MID1: variants seen among roughly 807,000 people sequenced by gnomAD.
The protein encoded by MID1 is midline 1, also known as E3 ubiquitin-protein ligase Midline-1.
MID1 carries 7 observed loss-of-function variants against 40.4 expected under a neutral mutation model. The observed-to-expected ratio is 0.17, with a 90% CI of 0.10 to 0.33. The LOEUF is 0.33. Among genes scored for constraint, MID1 ranks in the 10% least tolerant of loss-of-function variants. The pLI is 1.00. For synonymous variants in MID1, 229 were observed against 221.2 expected (o/e 1.04, Z -0.31); for missense variants, 367 against 558.5 (o/e 0.66, Z 3.46).
Position 10,646,364 on chromosome X carries a change from C to T in MID1, c.-186-25945G>A, listed in dbSNP as rs5934921. Among the ~76,000 whole-genome samples, 1,036 of 111,431 alleles carry T rather than the reference C, an allele frequency of 9.3e-3. 7 individuals are homozygous for T. Among genetic ancestry groups the T allele is most frequent in the Non-Finnish European group, 0.014 (731 of 53,063 alleles). On this transcript the variant is annotated intron_variant, in intron 1 of 10. Coordinates refer to the MID1 transcript ENST00000380785. ...TTTTTGCCTGACTTCAAGAGGCCAC[C>T]GGGTATAAGACTCTGGTATAGTCCC...
chrX:10,526,029 A>G (rs1422507442), intron 2 of MID1, among the ~76,000 whole-genome samples: 1 of 112,269 alleles, frequency 8.9e-6, no homozygotes, highest in Non-Finnish European at 1.9e-5. Context: ...ACATTTTAAA[A>G]TATTTTATCT....
intron 1 of MID1, among the ~76,000 whole-genome samples, chrX:10,726,185 C>T (rs982666753): frequency 3.6e-5 from 4 of 111,926 alleles, no homozygotes; most frequent in Admixed American, 9.5e-5. Flanking sequence ...TTACATCAGA[C>T]CCAGTAAGTA....
chrX:10,637,081 T>A (rs1038225744), intron 1 of MID1, among the ~76,000 whole-genome samples: 1 of 107,632 alleles, frequency 9.3e-6, no homozygotes, highest in Non-Finnish European at 1.9e-5. Flanking sequence ...CTTTTCAAAA[T>A]CTTGAGTCTT....
At chrX:10,640,558 T>A (rs1173710052) in intron 1 of MID1, among the ~76,000 whole-genome samples, 1 of 110,942 alleles carries the variant, frequency 9.0e-6, no homozygotes, top group Non-Finnish European at 1.9e-5. Context: ...TCCCACACAA[T>A]AATAATGGGA....
At chrX:10,617,737 C>T (rs112693022) in intron 1 of MID1, among the ~76,000 whole-genome samples, 4,765 of 111,885 alleles carry the variant, frequency 0.043, 94 homozygotes, top group African/African-American at 0.079. Context: ...CTGTTGTTTT[C>T]GGCCAGGCTT....
At chrX:10,741,466 T>C (rs1040283022) in intron 1 of MID1, among the ~76,000 whole-genome samples, 1 of 87,141 alleles carries the variant, frequency 1.1e-5, no homozygotes. Context: ...ATTCCCCTCT[T>C]TTTTTTTTTT....
At chrX:10,476,275 A>C (rs368806123) in intron 5 of MID1, among the ~76,000 whole-genome samples, 1 of 111,056 alleles carries the variant, frequency 9.0e-6, no homozygotes, top group South Asian at 3.8e-4. Context: ...GTATGATGGA[A>C]GTGTTTTGGA....
chrX:10,582,599 A>G (rs1394565859), intron 1 of MID1, among the ~76,000 whole-genome samples: 1 of 112,145 alleles, frequency 8.9e-6, no homozygotes, highest in Non-Finnish European at 1.9e-5. Context: ...CAAGAAAGTG[A>G]TAAGAACTTC....
At chrX:10,477,214 C>T (rs1300741417) in intron 5 of MID1, among the ~76,000 whole-genome samples, 1 of 113,006 alleles carries the variant, frequency 8.8e-6, no homozygotes, top group Non-Finnish European at 1.9e-5. Flanking sequence ...AGCAGTTTCC[C>T]TGCCCACTGG....
At chrX:10,643,757 A>G (rs1259979764) in intron 1 of MID1, among the ~76,000 whole-genome samples, 10 of 111,370 alleles carry the variant, frequency 9.0e-5, no homozygotes, top group African/African-American at 2.9e-4. Flanking sequence ...AACCAACCCA[A>G]ATGTCCAACA....
In MID1 at chrX:10,478,674, C is replaced by G. The variant is rs145243454; in HGVS notation, c.1013+3806G>C. 4.8e-3 allele frequency among the ~76,000 whole-genome samples: 535 copies of G among 112,229 alleles called. 4 individuals are homozygous for G. Among genetic ancestry groups the G allele is most frequent in the African/African-American group, 0.017 (514 of 30,934 alleles). ...ACCGGTTCCAAAGCAAAAGCATCTC[C>G]TACAATGTAAAGCTTGAGGCTCTCT... On this transcript the variant is annotated intron_variant, in intron 5 of 9. Coordinates refer to ENST00000317552, the MANE Select transcript of MID1 (RefSeq NM_000381.4).
chrX:10,452,321 TAG>T (rs1928391888), intron 9 of MID1, among the ~76,000 whole-genome samples: 1 of 111,964 alleles, frequency 8.9e-6, no homozygotes, highest in South Asian at 3.7e-4. Context: ...ACATTAGCAT[TAG>T]AGAGTAAGAA....
At chrX:10,740,531 T>G (rs749897917) in intron 1 of MID1, among the ~76,000 whole-genome samples, 39 of 112,129 alleles carry the variant, frequency 3.5e-4, no homozygotes, top group African/African-American at 1.2e-3. Context: ...GAGAAAGAAT[T>G]GCAACACAGT....
At chrX:10,460,397 G>A (rs749923294) in intron 7 of MID1, among the ~76,000 whole-genome samples, 2 of 111,411 alleles carry the variant, frequency 1.8e-5, no homozygotes, top group East Asian at 5.7e-4. Context: ...AGTGGAGTGG[G>A]GCTGTTGCTC....
chrX:10,828,011 TAG>T (rs926956889), intron 1 of MID1, among the ~76,000 whole-genome samples: 2 of 111,574 alleles, frequency 1.8e-5, no homozygotes, highest in African/African-American at 6.5e-5. Context: ...AACTCTCTGT[TAG>T]AGAGTTATTT....
At chrX:10,758,227 A>T (rs2043647492) in intron 1 of MID1, among the ~76,000 whole-genome samples, 1 of 106,968 alleles carries the variant, frequency 9.3e-6, no homozygotes, top group African/African-American at 3.5e-5. Context: ...TGCCCGTCTC[A>T]GCCTCCCAAA....
At chrX:10,731,966 C>CAAAAAAAAAAAAA (rs754605735) in intron 1 of MID1, among the ~76,000 whole-genome samples, 6 of 26,650 alleles carry the variant, frequency 2.3e-4, no homozygotes, top group African/African-American at 5.8e-4. Context: ...GAATCTATCA[C>CAAAAAAAAAAAAA]AAAAAAAAAA....
At chrX:10,611,757 A>G (rs1935740838) in intron 1 of MID1, among the ~76,000 whole-genome samples, 1 of 111,529 alleles carries the variant, frequency 9.0e-6, no homozygotes, top group African/African-American at 3.3e-5. Flanking sequence ...ATGCAAGTCA[A>G]TGAGGATTAG....
chrX:10,569,980 C>T (rs939999753), intron 1 of MID1, among the ~76,000 whole-genome samples: 1 of 111,868 alleles, frequency 8.9e-6, no homozygotes, highest in African/African-American at 3.3e-5. Flanking sequence ...TGCCCTTCCC[C>T]CTATAGTCTA....
Sources: allele counts gnomAD v4.1 joint callset (sites outside exome capture counted in the v4.1 genomes callset), GRCh38; gene constraint gnomAD v4.1.1; transcripts MANE v1.5; gene names NCBI Gene and HGNC (gene_info 2026-07-23, HGNC 2026-07-21).